RORA: variants seen among roughly 807,000 people sequenced by gnomAD.
RORA encodes the protein nuclear receptor ROR-alpha.
Under a neutral mutation model 69.5 loss-of-function variants are expected in RORA, and 7 were observed. The observed-to-expected ratio is 0.10, with a 90% CI of 0.06 to 0.19. The LOEUF (loss-of-function observed/expected upper bound fraction) is 0.19, where lower values mean the gene tolerates loss of function less well. Among genes scored for constraint, RORA ranks in the 10% least tolerant of loss-of-function variants. RORA has a pLI of 1.00. For missense variants in RORA, 457 were observed against 663.0 expected (o/e 0.69, Z 3.41); for synonymous variants, 261 against 240.8 (o/e 1.08, Z -0.78).
intron 1 of RORA, among the ~76,000 whole-genome samples, chr15:60,913,014 A>T (rs1264758036): frequency 6.6e-6 from 1 of 152,246 alleles, no homozygotes; most frequent in Non-Finnish European, 1.5e-5. Context: ...AACAAGTTCA[A>T]TTTGAAAAAA....
chr15:60,914,309 C>T (rs1891808787), intron 1 of RORA, among the ~76,000 whole-genome samples: 1 of 152,064 alleles, frequency 6.6e-6, no homozygotes, highest in Non-Finnish European at 1.5e-5. Flanking sequence ...AGTGCTTGCC[C>T]ATGGGGAGGT....
At chr15:61,115,473 A>G (rs2079042525) in intron 1 of RORA, among the ~76,000 whole-genome samples, 1 of 152,212 alleles carries the variant, frequency 6.6e-6, no homozygotes, top group South Asian at 2.1e-4. Context: ...TGGAATTTCC[A>G]AAACAGACTC....
intron 2 of RORA, among the ~76,000 whole-genome samples, chr15:60,664,081 C>A (rs2140723322): frequency 6.6e-6 from 1 of 152,284 alleles, no homozygotes; most frequent in Non-Finnish European, 1.5e-5. Context: ...GCAATAAAAA[C>A]ATATTCTCCT....
chr15:60,629,255 C>T (rs149513291), intron 2 of RORA, among the ~76,000 whole-genome samples: 1,611 of 128,986 alleles, frequency 0.012, 22 homozygotes, highest in African/African-American at 0.046. Context: ...GGTGTGATCT[C>T]GGCTCACTGC....
intron 2 of RORA, among the ~76,000 whole-genome samples, chr15:60,636,082 A>T (rs2069834431): frequency 6.6e-6 from 1 of 151,828 alleles, no homozygotes; most frequent in African/African-American, 2.4e-5. Context: ...TCTCAAATGA[A>T]CTCCTTGAGG....
At chr15:61,088,561 G>A (rs1566982668) in intron 1 of RORA, among the ~76,000 whole-genome samples, 1 of 152,078 alleles carries the variant, frequency 6.6e-6, no homozygotes, top group Non-Finnish European at 1.5e-5. Flanking sequence ...TTCAAATTCT[G>A]GCTCTATCAC....
intron 1 of RORA, among the ~76,000 whole-genome samples, chr15:61,148,164 G>T (rs1452914973): frequency 2.0e-5 from 3 of 152,206 alleles, no homozygotes; most frequent in Non-Finnish European, 4.4e-5. Context: ...GCTAAAAGAG[G>T]AGCCACTGAA....
chr15:61,138,911 C>T (rs980602029), intron 1 of RORA, among the ~76,000 whole-genome samples: 15 of 152,072 alleles, frequency 9.9e-5, no homozygotes, highest in Non-Finnish European at 2.1e-4. Context: ...TTTGGGAGGC[C>T]GAGGCGGGTG....
chr15:61,225,868 G>A (rs901124843), intron 1 of RORA, among the ~76,000 whole-genome samples: 11 of 151,974 alleles, frequency 7.2e-5, no homozygotes, highest in South Asian at 6.2e-4. Context: ...TTCCCTTGTC[G>A]CTTCCTGCCT....
At chr15:60,731,977 G>C (rs1355686160) in intron 1 of RORA, among the ~76,000 whole-genome samples, 1 of 152,210 alleles carries the variant, frequency 6.6e-6, no homozygotes, top group Non-Finnish European at 1.5e-5. Context: ...TACCAGGCTA[G>C]AAGTTCCGAA....
chr15:60,599,155 G>A (rs924253518), intron 2 of RORA, among the ~76,000 whole-genome samples: 1 of 152,198 alleles, frequency 6.6e-6, no homozygotes, highest in Non-Finnish European at 1.5e-5. Context: ...AGAGAAGGAG[G>A]ACTTCATGAA....
At chr15:60,658,625 T>C (rs2070258330) in intron 2 of RORA, among the ~76,000 whole-genome samples, 1 of 152,188 alleles carries the variant, frequency 6.6e-6, no homozygotes, top group Admixed American at 6.5e-5. Context: ...TTGCTATTTG[T>C]AAAACTCTTG....
chr15:61,205,803 GCA>G (rs904558727), intron 1 of RORA, among the ~76,000 whole-genome samples: 4 of 152,126 alleles, frequency 2.6e-5, no homozygotes, highest in Admixed American at 2.6e-4. Flanking sequence ...ATGGAGAAGG[GCA>G]CACACACAGA....
intron 1 of RORA, among the ~76,000 whole-genome samples, chr15:60,800,863 G>A (rs1251608793): frequency 1.3e-5 from 2 of 152,114 alleles, no homozygotes; most frequent in Admixed American, 6.5e-5. Context: ...ACTATGTTGG[G>A]CTGCAGTTAG....
chr15:60,538,372 G>C (rs2066747303), intron 2 of RORA, among the ~76,000 whole-genome samples: 1 of 152,142 alleles, frequency 6.6e-6, no homozygotes, highest in South Asian at 2.1e-4. Flanking sequence ...CTCCCAGGCA[G>C]GTGGTGGTAA....
intron 1 of RORA, among the ~76,000 whole-genome samples, chr15:61,040,147 T>C (rs1392143534): frequency 9.5e-6 from 1 of 105,106 alleles, no homozygotes; most frequent in East Asian, 3.3e-4. Context: ...TATATATATA[T>C]ATATATATAT....
intron 1 of RORA, among the ~76,000 whole-genome samples, chr15:61,178,944 C>A (rs1038427514): frequency 1.6e-4 from 25 of 152,228 alleles, no homozygotes; most frequent in African/African-American, 6.0e-4. Flanking sequence ...TTAACATGAC[C>A]CATCTACATA....
intron 1 of RORA, among the ~76,000 whole-genome samples, chr15:61,015,602 G>A (rs1434657321): frequency 6.6e-6 from 1 of 152,094 alleles, no homozygotes; most frequent in Non-Finnish European, 1.5e-5. Flanking sequence ...GAGAAGCGTA[G>A]GTGCTCATCT....
At chr15:60,807,968 G>T (rs1351895943) in intron 1 of RORA, among the ~76,000 whole-genome samples, 2 of 152,066 alleles carry the variant, frequency 1.3e-5, no homozygotes, top group African/African-American at 4.8e-5. Context: ...GAAACCTAAA[G>T]ATTCTAGAAG....
Sources: allele counts gnomAD v4.1 joint callset (sites outside exome capture counted in the v4.1 genomes callset), GRCh38; gene constraint gnomAD v4.1.1; transcripts MANE v1.5; gene names NCBI Gene and HGNC (gene_info 2026-07-23, HGNC 2026-07-21).